Variants in MYH9 observed in about 807,000 individuals in gnomAD.
MYH9 encodes the protein myosin-9.
MYH9 carries 29 observed loss-of-function variants against 241.9 expected under a neutral mutation model. That is an observed-to-expected ratio of 0.12 (90% confidence interval 0.09 to 0.16). The LOEUF (loss-of-function observed/expected upper bound fraction) is 0.16. Ranked by LOEUF, MYH9 falls within the 10% of genes least tolerant of loss-of-function variation. The pLI is 1.00. For synonymous variants in MYH9, 1,047 were observed against 1,062.6 expected (o/e 0.99, Z 0.29); for missense variants, 1,803 against 2,595.5 (o/e 0.69, Z 6.63).
Position 36,357,415 on chromosome 22 carries a change from G to A in MYH9, c.-19-8160C>T, listed in dbSNP as rs527650687. Among the ~76,000 whole-genome samples, 11 of 152,278 alleles carry A rather than the reference G, an allele frequency of 7.2e-5. No homozygotes were observed. The South Asian group carries it at 2.1e-3, about 29-fold the overall frequency. On this transcript the variant is annotated intron_variant, in intron 1 of 40. Transcript: ENST00000216181. ...GGCACTATGGCTATCTGGGGCCAGA[G>A]AATCCTTTGTGGTGGGGCTGTCCTG...
At chr22:36,352,922 G>A (rs868199704) in intron 1 of MYH9, among the ~76,000 whole-genome samples, 25 of 152,142 alleles carry the variant, frequency 1.6e-4, no homozygotes, top group African/African-American at 4.8e-4. Flanking sequence ...GGTGAGCAGC[G>A]GCGCCAAGAT....
Position 36,295,606 on chromosome 22 carries a change from A to G in MYH9, c.3384T>C (p.Asn1128=), listed in dbSNP as rs531623930. The G allele has an allele frequency of 3.0e-5, 48 of 1,613,912 alleles. No individual in the cohort carries two copies. The highest frequency in any genetic ancestry group is 1.7e-4 in the Middle Eastern group (1 of 6,060). The change falls in exon 26 of 41, where the codon AAT becomes AAC. Residue 1128 remains asparagine, a synonymous_variant. Coordinates refer to ENST00000216181, the MANE Select transcript of MYH9 (RefSeq NM_002473.6). The surrounding 1 kb of genome is among the most constrained non-coding windows in gnomAD (Gnocchi z 4.1). ...EDLESERASR[N]KAEKQKRDLG... is the part of the protein sequence containing the mutation. ...GGTCCCGTTTCTGCTTCTCAGCTTTATTCCTGGAAGCACGCTCAGACTCCA... is the reference window on the plus strand; with the variant it reads ...GGTCCCGTTTCTGCTTCTCAGCTTTGTTCCTGGAAGCACGCTCAGACTCCA...
At chr22:36,367,077 T>C (rs1179518815) in intron 1 of MYH9, among the ~76,000 whole-genome samples, 4 of 152,226 alleles carry the variant, frequency 2.6e-5, no homozygotes, top group African/African-American at 9.7e-5. Flanking sequence ...GTGCGGTCCA[T>C]GGACTTTTAG....
chr22:36,300,196 G>A lies in MYH9; in HGVS notation c.2907C>T (p.Thr969=), dbSNP rs767461889. 1.9e-5 allele frequency: 30 copies of A among 1,613,348 alleles called. No homozygotes were observed. The African/African-American group carries it at 2.4e-4, about 13-fold the overall frequency. The part of the protein sequence containing the change: ...RQKLQLEKVT[T]EAKLKKLEEE... The stretch of plus-strand genomic sequence containing the variant: ...CCTCCAGCTTTTTCAGCTTCGCCTC[G>A]GTGGTCACCTTCTCCAGCTGCAGCT... Residue 969 remains threonine, a synonymous_variant, in exon 23 of 41, where the codon ACC becomes ACT. Coordinates refer to ENST00000216181, the MANE Select transcript of MYH9 (RefSeq NM_002473.6). The surrounding 1 kb of genome is among the most constrained non-coding windows in gnomAD (Gnocchi z 5.0).
chr22:36,289,308 G>A lies in MYH9; in HGVS notation c.4345-11C>T. 1 of 1,602,878 alleles carries A rather than the reference G, an allele frequency of 6.2e-7. No individual in the cohort carries two copies. The highest frequency in any genetic ancestry group is 1.7e-5 in the Admixed American group (1 of 58,692). Reference sequence around the variant, plus strand: ...CTCCTCCGCCAGGAGCTGGGAAAGAGGTGGGCACCATGAGGCTCAGAGCTA... The same window carrying A: ...CTCCTCCGCCAGGAGCTGGGAAAGAAGTGGGCACCATGAGGCTCAGAGCTA... On this transcript the variant is annotated splice_polypyrimidine_tract_variant and intron_variant, in intron 31 of 40. Transcript: ENST00000216181.
At chr22:36,357,959 G>A (rs2017881403) in intron 1 of MYH9, among the ~76,000 whole-genome samples, 1 of 152,164 alleles carries the variant, frequency 6.6e-6, no homozygotes. Flanking sequence ...CTCCAACACG[G>A]CAGCTCAGCC....
chr22:36,375,394 C>G (rs891490188), intron 1 of MYH9, among the ~76,000 whole-genome samples: 2 of 152,174 alleles, frequency 1.3e-5, no homozygotes, highest in South Asian at 4.1e-4. Context: ...AGTCAGTAGC[C>G]AAGGCATCAA....
intron 24 of MYH9, chr22:36,297,378 A>C: frequency 8.4e-6 from 2 of 237,538 alleles, no homozygotes; most frequent in Non-Finnish European, 1.7e-5. Flanking sequence ...GCCTTGTGTG[A>C]ATTCCACAGT....
chr22:36,293,528 CA>C lies in MYH9; in HGVS notation c.3943-48del. 1 of 1,607,402 alleles carries C rather than the reference CA, an allele frequency of 6.2e-7. No homozygotes were observed. Among genetic ancestry groups the C allele is most frequent in the Non-Finnish European group, 8.5e-7 (1 of 1,179,322 alleles). Reference sequence around the variant, plus strand: ...TGCGGGTGCTTAGGAGGGTGGTGTCCAAAACCCAGGAACCCCACACCCTTGA... The same window carrying C: ...TGCGGGTGCTTAGGAGGGTGGTGTCCAAACCCAGGAACCCCACACCCTTGA... On this transcript the variant is annotated intron_variant, in intron 29 of 40. Transcript: ENST00000216181. This position sits in a 1 kb window ranked among gnomAD's most constrained non-coding sequence, Gnocchi z 5.1.
chr22:36,304,891 A>G (rs2016944238), intron 18 of MYH9, 142 bp downstream of exon 18: 1 of 839,148 alleles, frequency 1.2e-6, no homozygotes, highest in South Asian at 1.4e-5. Context: ...GGCGCCCGGC[A>G]GAGTCAGACG....
intron 25 of MYH9, 104 bp downstream of exon 25, chr22:36,296,739 G>A: frequency 7.6e-7 from 1 of 1,322,790 alleles, no homozygotes; most frequent in Non-Finnish European, 1.0e-6. Flanking sequence ...GACAACAGTG[G>A]AAAGAATGCT....
intron 1 of MYH9, among the ~76,000 whole-genome samples, chr22:36,383,015 G>GT (rs1206002596): frequency 6.6e-6 from 1 of 151,696 alleles, no homozygotes. Flanking sequence ...GAGCCCAGGG[G>GT]TTTGAGACTA....
At chr22:36,316,355 GAAA>G (rs67607973) in intron 12 of MYH9, among the ~76,000 whole-genome samples, 159 bp downstream of exon 12, 1 of 138,666 alleles carries the variant, frequency 7.2e-6, no homozygotes. Flanking sequence ...TTTTAAAAAA[GAAA>G]AAAAAAAAAA....
rs2146363315 is a variant in MYH9, at chr22:36,320,411, G to A, written c.869-48C>T. The stretch of plus-strand genomic sequence containing the variant: ...GCGCCTCAGCGAGGTGCTGAAAGTG[G>A]AGGCTCCATCAGCGCTGTGACCTCA... On this transcript the variant is annotated intron_variant, in intron 8 of 40. Coordinates refer to ENST00000216181, the MANE Select transcript of MYH9 (RefSeq NM_002473.6). The surrounding 1 kb of genome is among the most constrained non-coding windows in gnomAD (Gnocchi z 4.8). 1.2e-6 allele frequency: 2 copies of A among 1,605,940 alleles called. No homozygotes were observed. Among genetic ancestry groups the A allele is most frequent in the Middle Eastern group, 1.7e-4 (1 of 6,002 alleles).
At chr22:36,363,744 G>A (rs1405481165) in intron 1 of MYH9, among the ~76,000 whole-genome samples, 3 of 152,132 alleles carry the variant, frequency 2.0e-5, no homozygotes, top group Non-Finnish European at 4.4e-5. Flanking sequence ...CCTAAATAGT[G>A]AGGGGCAGAT....
rs919894246 is a variant in MYH9 at position 36,382,040 on chromosome 22, C to T, written c.-20+5767G>A. Among the ~76,000 whole-genome samples the T allele has an allele frequency of 4.6e-5, 7 of 152,222 alleles. No homozygotes were observed. In the South Asian group the frequency reaches 1.5e-3, roughly 32 times the overall value. On this transcript the variant is annotated intron_variant, in intron 1 of 40. Transcript: ENST00000216181. Reference sequence around the variant, plus strand: ...ACAGACTCTCCCTGTGTTGCCCAGGCTGATCTCGAACTCCTGGGCTCAAGC... The same window carrying T: ...ACAGACTCTCCCTGTGTTGCCCAGGTTGATCTCGAACTCCTGGGCTCAAGC...
intron 13 of MYH9, among the ~76,000 whole-genome samples, chr22:36,313,376 C>T (rs554680379): frequency 2.1e-5 from 3 of 143,266 alleles, no homozygotes; most frequent in Admixed American, 7.5e-5. Context: ...GGCATGAACC[C>T]GGAAGGCGGA....
intron 5 of MYH9, 101 bp from the exon 6 acceptor site, chr22:36,322,622 T>C: frequency 1.7e-6 from 2 of 1,164,956 alleles, no homozygotes; most frequent in Non-Finnish European, 2.5e-6. Flanking sequence ...TGTCAGCATG[T>C]CCAACGTGCC....
chr22:36,288,461 A>G lies in MYH9; in HGVS notation c.4771-48T>C. The G allele has an allele frequency of 6.2e-7, 1 of 1,600,816 alleles. No homozygotes were observed. Among genetic ancestry groups the G allele is most frequent in the Non-Finnish European group, 8.5e-7 (1 of 1,179,028 alleles). On this transcript the variant is annotated intron_variant, in intron 33 of 40. Transcript: ENST00000216181. This position sits in a 1 kb window ranked among gnomAD's most constrained non-coding sequence, Gnocchi z 4.8. ...CTTGGGAAGCTGGACCCACTGGGAGACCCTGCCCTAGCTCTGAACTCAGGA... is the reference window on the plus strand; with the variant it reads ...CTTGGGAAGCTGGACCCACTGGGAGGCCCTGCCCTAGCTCTGAACTCAGGA...
Sources: allele counts gnomAD v4.1 joint callset (sites outside exome capture counted in the v4.1 genomes callset), GRCh38; gene constraint gnomAD v4.1.1; non-coding constraint Gnocchi (gnomAD v3.1); transcripts MANE v1.5; gene names NCBI Gene and HGNC (gene_info 2026-07-23, HGNC 2026-07-21).